Variants in ASTN1 observed in about 807,000 individuals in gnomAD.
The protein encoded by ASTN1 is astrotactin-1.
Under a neutral mutation model 140.7 loss-of-function variants are expected in ASTN1, and 41 were observed. The observed-to-expected ratio is 0.29, with a 90% CI of 0.23 to 0.38. The LOEUF (loss-of-function observed/expected upper bound fraction) is 0.38. ASTN1 is among the 10% of genes least tolerant of loss of function. The pLI is 1.00. For missense variants in ASTN1, 1,479 were observed against 1,678.8 expected (o/e 0.88, Z 2.08); for synonymous variants, 640 against 652.2 (o/e 0.98, Z 0.29).
intron 1 of ASTN1, among the ~76,000 whole-genome samples, chr1:177,068,134 C>T (rs1346043657): frequency 6.6e-6 from 1 of 152,188 alleles, no homozygotes; most frequent in African/African-American, 2.4e-5. Context: ...CCAGGAAACT[C>T]TTTTGCGAAG....
chr1:177,046,431 A>G (rs888815551), intron 2 of ASTN1, among the ~76,000 whole-genome samples: 3 of 152,160 alleles, frequency 2.0e-5, no homozygotes, highest in African/African-American at 7.2e-5. Flanking sequence ...ACTGTAGTAG[A>G]AGTGTGAAAG....
Position 176,894,635 on chromosome 1 carries a change from G to A in ASTN1, c.2867C>T (p.Ala956Val). Residue 956 changes from alanine to valine, a missense_variant, in exon 17 of 23, where the codon GCT (alanine) becomes GTT (valine). Physicochemically the swap from Ala to Val is moderately conservative, Grantham distance 64. Coordinates refer to ENST00000361833, the MANE Select transcript of ASTN1 (RefSeq NM_004319.3). ...CHVTSSPDTP[A>V]EPVLLEVTKA... ...GGTCACCTCCAGCAGAACCGGCTCA[G>A]CAGGGGTGTCAGGGCTGGATGTCAC... The A allele has an allele frequency of 6.2e-7, 1 of 1,614,104 alleles. No individual in the cohort carries two copies. The highest frequency in any genetic ancestry group is 8.5e-7 in the Non-Finnish European group (1 of 1,180,024).
chr1:177,051,020 C>T (rs866413886), intron 2 of ASTN1, among the ~76,000 whole-genome samples: 1 of 152,206 alleles, frequency 6.6e-6, no homozygotes, highest in Non-Finnish European at 1.5e-5. Flanking sequence ...CAAGTCGAAG[C>T]ATAGTTTTGT....
intron 16 of ASTN1, among the ~76,000 whole-genome samples, chr1:176,905,679 C>T (rs1221933838): frequency 6.6e-6 from 1 of 152,132 alleles, no homozygotes; most frequent in African/African-American, 2.4e-5. Context: ...ATTTGGGATT[C>T]TGCACGGTTC....
chr1:177,063,347 A>G (rs193187336), intron 1 of ASTN1, among the ~76,000 whole-genome samples: 2 of 152,242 alleles, frequency 1.3e-5, no homozygotes, highest in East Asian at 1.9e-4. Context: ...GGACTCAGTC[A>G]TCCCATTGGG....
chr1:177,008,458 A>G (rs1675105844), intron 8 of ASTN1, among the ~76,000 whole-genome samples: 3 of 148,864 alleles, frequency 2.0e-5, no homozygotes, highest in African/African-American at 7.4e-5. Context: ...GGAGAGGGAG[A>G]GGAAGAGAGA....
chr1:176,912,329 C>T (rs566895908), intron 16 of ASTN1, among the ~76,000 whole-genome samples: 1 of 152,310 alleles, frequency 6.6e-6, no homozygotes, highest in South Asian at 2.1e-4. Context: ...AACAAATGCA[C>T]ATGGCTCTGC....
At chr1:176,936,772 G>A (rs1671466570) in intron 14 of ASTN1, among the ~76,000 whole-genome samples, 1 of 152,134 alleles carries the variant, frequency 6.6e-6, no homozygotes, top group Non-Finnish European at 1.5e-5. Flanking sequence ...TGGCAAATAG[G>A]TTTTTGGTGC....
At chr1:176,993,382 G>A (rs555142242) in intron 8 of ASTN1, among the ~76,000 whole-genome samples, 3 of 152,152 alleles carry the variant, frequency 2.0e-5, no homozygotes, top group Non-Finnish European at 4.4e-5. Context: ...GGAACTCCAG[G>A]GAGAATCTTT....
chr1:176,869,077 G>GTA (rs1374112054), intron 21 of ASTN1, 50 bp from the exon 22 acceptor site: 13 of 1,220,322 alleles, frequency 1.1e-5, no homozygotes, highest in Non-Finnish European at 1.0e-5. Context: ...ATATAATAAT[G>GTA]TATATATATA....
intron 22 of ASTN1, among the ~76,000 whole-genome samples, chr1:176,867,431 G>A (rs1571430408): frequency 1.3e-5 from 2 of 151,984 alleles, no homozygotes; most frequent in Non-Finnish European, 2.9e-5. Context: ...GTAAGAATAA[G>A]GTAAAGATAA....
chr1:176,953,415 C>T (rs1672273656), intron 11 of ASTN1, among the ~76,000 whole-genome samples: 1 of 152,242 alleles, frequency 6.6e-6, no homozygotes, highest in Admixed American at 6.5e-5. Context: ...TTCTCTTTTA[C>T]TAAATGGCAA....
Position 177,023,499 on chromosome 1 carries a change from A to C in ASTN1, c.1343T>G (p.Leu448Arg), listed in dbSNP as rs1675936414. ...TCCGCTGGAGTTCTGCTGAGAGAAG[A>C]GAACCACTTGGGCAGGGTTCAGCCA... is the stretch of plus-strand genomic sequence containing the variant. The part of the protein sequence containing the change: ...SDWLNPAQVV[L>R]FSQQNSSGPW... The change falls in exon 7 of 23, where the codon CTC becomes CGC. Residue 448 changes from leucine (L) to arginine (R), a missense_variant. By Grantham distance (102) the Leu-to-Arg change is moderately radical. This residue lies in a region of ASTN1 where 729 missense variants were observed against 860.4 expected (regional missense o/e 0.85). Transcript: ENST00000361833. 2 of 1,612,648 alleles carry C rather than the reference A, an allele frequency of 1.2e-6. No individual in the cohort carries two copies. The highest frequency in any genetic ancestry group is 1.7e-6 in the Non-Finnish European group (2 of 1,179,472).
intron 19 of ASTN1, among the ~76,000 whole-genome samples, chr1:176,883,985 A>G (rs1668920278): frequency 6.6e-6 from 1 of 152,228 alleles, no homozygotes; most frequent in African/African-American, 2.4e-5. Context: ...AGTGGTTAGC[A>G]GAGAATTGTT....
At chr1:176,948,524 T>G (rs1013786548) in intron 12 of ASTN1, among the ~76,000 whole-genome samples, 8 of 152,204 alleles carry the variant, frequency 5.3e-5, no homozygotes, top group African/African-American at 1.9e-4. Flanking sequence ...TTCCCAGCTT[T>G]GAGGGAGTCA....
intron 1 of ASTN1, among the ~76,000 whole-genome samples, chr1:177,080,800 G>A (rs1387918347): frequency 6.6e-6 from 1 of 152,140 alleles, no homozygotes; most frequent in Non-Finnish European, 1.5e-5. Context: ...TCCCAACTCT[G>A]ACATTTGCTA....
intron 21 of ASTN1, among the ~76,000 whole-genome samples, chr1:176,871,700 C>T (rs1668351640): frequency 1.3e-5 from 2 of 152,158 alleles, no homozygotes; most frequent in African/African-American, 4.8e-5. Flanking sequence ...ATTTCTGGCT[C>T]CTCCTATTTC....
Position 176,862,082 on chromosome 1 carries a change from C to G in ASTN1, c.*2202G>C. ...AAAACAGTAGCAGCAAAGAGATGCT[C>G]TGGGCCCTGTCTGATTGGCCTGTCA... On this transcript the variant is annotated 3_prime_UTR_variant, in exon 23 of 23. Coordinates refer to ENST00000361833, the MANE Select transcript of ASTN1 (RefSeq NM_004319.3). 1 of 985,414 alleles carries G rather than the reference C, an allele frequency of 1.0e-6. No individual in the cohort carries two copies. The highest frequency in any genetic ancestry group is 1.2e-6 in the Non-Finnish European group (1 of 829,924). The allele number at this position is 985,414 out of a possible 1,614,324, so 61.0% of individuals were successfully genotyped here.
At chr1:177,093,821 A>G (rs985596985) in intron 1 of ASTN1, among the ~76,000 whole-genome samples, 27 of 152,220 alleles carry the variant, frequency 1.8e-4, no homozygotes, top group African/African-American at 5.3e-4. Context: ...GTTTTTAAAA[A>G]TTCAGTTGTT....
Sources: allele counts gnomAD v4.1 joint callset (sites outside exome capture counted in the v4.1 genomes callset), GRCh38; gene constraint gnomAD v4.1.1; regional missense constraint gnomAD v4.1.1; transcripts MANE v1.5; gene names NCBI Gene and HGNC (gene_info 2026-07-23, HGNC 2026-07-21).